The following HELLS variants were observed in gnomAD, a reference collection of about 807,000 sequenced individuals.
HELLS encodes lymphoid-specific helicase.
Under a neutral mutation model 120.0 loss-of-function variants are expected in HELLS, and 32 were observed. The observed-to-expected ratio is 0.27, with a 90% confidence interval of 0.20 to 0.36. The LOEUF is 0.36. HELLS is among the 10% of genes least tolerant of loss of function. HELLS has a pLI of 1.00. For missense variants in HELLS, 650 were observed against 993.4 expected, an observed-to-expected ratio of 0.65 and a Z score of 4.65; for synonymous variants, 341 against 323.4, an observed-to-expected ratio of 1.05 and a Z score of -0.58.
intron 12 of HELLS, chr10:94,584,106 A>G: frequency 7.3e-7 from 1 of 1,378,622 alleles, no homozygotes; most frequent in Non-Finnish European, 9.6e-7. Flanking sequence ...TATTTACTCA[A>G]GCTTCATACC....
chr10:94,555,979 T>C (rs1271650504), intron 3 of HELLS, among the ~76,000 whole-genome samples: 1 of 152,186 alleles, frequency 6.6e-6, no homozygotes, highest in African/African-American at 2.4e-5. Flanking sequence ...TTGAGTTCTG[T>C]AAGCTCCTCT....
intron 7 of HELLS, among the ~76,000 whole-genome samples, chr10:94,571,885 T>C (rs1372425556): frequency 1.3e-5 from 2 of 152,238 alleles, no homozygotes; most frequent in African/African-American, 4.8e-5. Flanking sequence ...GGTTCCTTGT[T>C]ATCTGACTTT....
At chr10:94,565,295 A>T (rs1041424608) in intron 6 of HELLS, among the ~76,000 whole-genome samples, 1 of 152,204 alleles carries the variant, frequency 6.6e-6, no homozygotes, top group Non-Finnish European at 1.5e-5. Context: ...AGATGATGCC[A>T]CTGCACTCCA....
chr10:94,598,625 TA>T (rs1249396165), intron 21 of HELLS, among the ~76,000 whole-genome samples: 2 of 142,926 alleles, frequency 1.4e-5, no homozygotes, highest in Admixed American at 6.9e-5. Flanking sequence ...TTTTTTTTTT[TA>T]ATCAGATGTA....
intron 19 of HELLS, among the ~76,000 whole-genome samples, chr10:94,595,307 C>A (rs114550419): frequency 1.7e-3 from 257 of 151,978 alleles, no homozygotes; most frequent in African/African-American, 5.6e-3. Context: ...CTAAGTTGGT[C>A]ACCATAGACA....
intron 12 of HELLS, 32 bp from the exon 13 acceptor site, chr10:94,588,197 C>A: frequency 7.5e-7 from 1 of 1,337,362 alleles, no homozygotes; most frequent in Non-Finnish European, 1.1e-6. Flanking sequence ...ATGTTTAATA[C>A]TCATATTTTT....
At position 94,594,754 on chromosome 10, in the gene HELLS, A is replaced by G. The variant is rs771278613; in HGVS notation, c.2148A>G (p.Pro716=). The change falls in exon 19 of 22, where the codon CCA becomes CCG. Residue 716 remains proline, a synonymous_variant. Transcript: ENST00000348459. ...GTCATAGAATTGGTCAGACAAAGCC[A>G]GTTGTTGTTTATCGCCTTGTTACAG... is the stretch of plus-strand genomic sequence containing the variant. ...DRCHRIGQTK[P]VVVYRLVTAN... is the part of the protein sequence containing the mutation. 52 of 1,613,762 alleles carry G rather than the reference A, an allele frequency of 3.2e-5. No homozygotes were observed.
intron 13 of HELLS, among the ~76,000 whole-genome samples, chr10:94,589,410 T>C (rs1845343669): frequency 1.3e-5 from 2 of 152,174 alleles, no homozygotes; most frequent in African/African-American, 4.8e-5. Flanking sequence ...TATTTTCCCG[T>C]TAGGGATGTT....
At chr10:94,568,208 C>CT (rs777198935) in intron 6 of HELLS, among the ~76,000 whole-genome samples, 23,366 of 139,096 alleles carry the variant, frequency 0.17, 2,195 homozygotes, top group East Asian at 0.39. Context: ...GCGCCTGGCC[C>CT]TTTTTTTTTT....
chr10:94,549,021 A>G lies in HELLS; in HGVS notation c.153+2523A>G, dbSNP rs539840121. On this transcript the variant is annotated intron_variant, in intron 2 of 21. Coordinates refer to ENST00000348459, the MANE Select transcript of HELLS (RefSeq NM_018063.5). ...AAAAAAAAGTATGTAGCCGTTTTCAATCTTAATATAAGTGTGTAATTTGCT... is the reference window on the plus strand; with the variant it reads ...AAAAAAAAGTATGTAGCCGTTTTCAGTCTTAATATAAGTGTGTAATTTGCT... Among the ~76,000 whole-genome samples the G allele has an allele frequency of 1.5e-3, 235 of 152,334 alleles. 1 individual carries two copies. The highest frequency in any genetic ancestry group is 2.7e-3 in the Non-Finnish European group (186 of 68,026).
At chr10:94,613,766 T>TG (rs1429871368) in exon 10 of HELLS, 10 of 152,202 alleles carry the variant, frequency 6.6e-5, no homozygotes. Flanking sequence ...AGTATATTGT[T>TG]GCATCTTTGT....
In HELLS at chr10:94,575,121, TG is replaced by T. The variant is rs869045570; in HGVS notation, c.888+386del. Among the ~76,000 whole-genome samples, 58 of 149,116 alleles carry T rather than the reference TG, an allele frequency of 3.9e-4. 1 individual carries two copies. The highest frequency in any genetic ancestry group is 1.3e-3 in the African/African-American group (52 of 40,392). On this transcript the variant is annotated intron_variant, in intron 9 of 21. Transcript: ENST00000348459. ...CAATTTTTTTTTTTTTTTTTTTTTTTGAAATGGAGTCTCTGTTACCCAGGCT... is the reference window on the plus strand; with the variant it reads ...CAATTTTTTTTTTTTTTTTTTTTTTTAAATGGAGTCTCTGTTACCCAGGCT...
chr10:94,580,302 C>T (rs1844807178), intron 10 of HELLS, among the ~76,000 whole-genome samples: 2 of 150,796 alleles, frequency 1.3e-5, no homozygotes, highest in South Asian at 4.2e-4. Context: ...CCTGCCTCGC[C>T]TCCTGAGTAG....
intron 13 of HELLS, 96 bp from the exon 14 acceptor site, chr10:94,590,317 T>C: frequency 9.8e-7 from 1 of 1,019,380 alleles, no homozygotes; most frequent in Non-Finnish European, 1.4e-6. Flanking sequence ...CTATAGATTG[T>C]CATTTTGTAC....
chr10:94,566,112 C>T (rs958548690), intron 6 of HELLS, among the ~76,000 whole-genome samples: 8 of 151,910 alleles, frequency 5.3e-5, no homozygotes, highest in East Asian at 1.9e-4. Flanking sequence ...AGGCTGGCCT[C>T]GAATTTTTGG....
intron 21 of HELLS, among the ~76,000 whole-genome samples, chr10:94,597,595 C>T (rs191458951): frequency 6.6e-6 from 1 of 152,216 alleles, no homozygotes; most frequent in East Asian, 1.9e-4. Flanking sequence ...TGCGCTGACA[C>T]GATCTCAGCT....
chr10:94,593,971 ATTTTTTT>A (rs904284453), intron 18 of HELLS, among the ~76,000 whole-genome samples: 3 of 122,308 alleles, frequency 2.5e-5, no homozygotes, highest in African/African-American at 9.3e-5. Context: ...TCCATTCTGA[ATTTTTTT>A]TTTTTTTTTT....
chr10:94,551,106 C>G (rs186993852), intron 2 of HELLS: 4 of 152,286 alleles, frequency 2.6e-5, no homozygotes, highest in Admixed American at 2.0e-4. Context: ...AAAAGAAATT[C>G]TGTCCTAAAA....
exon 10 of HELLS, chr10:94,612,006 G>C (rs943024586): frequency 2.0e-5 from 3 of 152,134 alleles, no homozygotes; most frequent in African/African-American, 7.2e-5. Flanking sequence ...ATACATTGCA[G>C]ATTATCTTAT....
Sources: gnomAD v4.1 joint callset for allele counts (sites outside exome capture counted in the v4.1 genomes callset) on GRCh38, gnomAD v4.1.1 for gene constraint, MANE v1.5 for transcripts, NCBI Gene and HGNC (gene_info 2026-07-23, HGNC 2026-07-21) for gene names.